PCDHGB4: variants seen among roughly 807,000 people sequenced by gnomAD.
PCDHGB4 encodes protocadherin gamma-B4.
PCDHGB4 carries 38 observed loss-of-function variants against 60.5 expected under a neutral mutation model. The ratio of observed to expected loss-of-function variants is 0.63; its 90% CI spans 0.48 to 0.82. The LOEUF (loss-of-function observed/expected upper bound fraction) is 0.82. Among genes scored for constraint, PCDHGB4 ranks in the 40% least tolerant of loss-of-function variants. The pLI, the probability that PCDHGB4 is intolerant of heterozygous loss-of-function variation, is 0.00. For missense variants in PCDHGB4, 1,109 were observed against 1,209.6 expected, an observed-to-expected ratio of 0.92 and a Z score of 1.23; for synonymous variants, 456 against 509.7, an observed-to-expected ratio of 0.89 and a Z score of 1.42.
intron 1 of PCDHGB4, among the ~76,000 whole-genome samples, chr5:141,402,461 C>A (rs892900332): frequency 1.3e-5 from 2 of 151,994 alleles, no homozygotes; most frequent in East Asian, 3.8e-4. Context: ...GTTTACATAT[C>A]TAGAAATAGA....
At chr5:141,505,563 T>C in intron 3 of PCDHGB4, 82 bp downstream of exon 3, 1 of 1,603,814 alleles carries the variant, frequency 6.2e-7, no homozygotes, top group Non-Finnish European at 8.5e-7. Flanking sequence ...GCCCACGGAC[T>C]GGATGTCAAA....
chr5:141,425,483 C>A (rs1172308088), intron 1 of PCDHGB4, among the ~76,000 whole-genome samples: 2 of 152,304 alleles, frequency 1.3e-5, no homozygotes, highest in Non-Finnish European at 2.9e-5. Flanking sequence ...CTATGGCAAC[C>A]TACTAGGCTA....
chr5:141,482,472 CTG>C (rs2099561247), intron 1 of PCDHGB4, among the ~76,000 whole-genome samples: 2 of 136,856 alleles, frequency 1.5e-5, no homozygotes, highest in Non-Finnish European at 3.0e-5. Context: ...GTGCCAGACA[CTG>C]TAAACAATTA....
At chr5:141,445,312 T>C (rs1419229431) in intron 1 of PCDHGB4, among the ~76,000 whole-genome samples, 2 of 152,194 alleles carry the variant, frequency 1.3e-5, no homozygotes, top group African/African-American at 4.8e-5. Context: ...AGTTTGTAGG[T>C]TGAGAGAACC....
chr5:141,458,624 C>G (rs1382508302), intron 1 of PCDHGB4, among the ~76,000 whole-genome samples: 1 of 152,082 alleles, frequency 6.6e-6, no homozygotes, highest in East Asian at 1.9e-4. Context: ...GGCTGGAGTG[C>G]AGTGGCACAA....
In PCDHGB4 at chr5:141,389,524, G is replaced by T; in HGVS notation, c.1640G>T (p.Arg547Leu). Residue 547 changes from arginine (R) to leucine (L), a missense_variant, in exon 1 of 4, where the codon CGC becomes CTC. This residue lies in a region of PCDHGB4 where 1,068 missense variants were observed against 1,089.9 expected (regional missense o/e 0.98). Transcript: ENST00000519479. ...GCGCTCAGCGCGAACGTGAGCCTGC[G>T]CGTGTTAGTGGACGACCGCAACGAC... is the stretch of plus-strand genomic sequence containing the variant. ...SPALSANVSL[R>L]VLVDDRNDNA... 1 of 1,613,146 alleles carries T rather than the reference G, an allele frequency of 6.2e-7. No homozygotes were observed. The highest frequency in any genetic ancestry group is 8.5e-7 in the Non-Finnish European group (1 of 1,179,746).
intron 1 of PCDHGB4, among the ~76,000 whole-genome samples, chr5:141,464,549 C>T (rs2099086404): frequency 6.6e-6 from 1 of 152,014 alleles, no homozygotes; most frequent in Non-Finnish European, 1.5e-5. Flanking sequence ...TAGCTATTCC[C>T]CATCTTGCAT....
intron 2 of PCDHGB4, among the ~76,000 whole-genome samples, chr5:141,500,194 T>G (rs994324188): frequency 2.1e-4 from 31 of 147,918 alleles, no homozygotes; most frequent in African/African-American, 7.7e-4. Context: ...TTTTATTTAT[T>G]TATTTATTTA....
intron 1 of PCDHGB4, chr5:141,421,800 G>T (rs995129799): frequency 1.2e-6 from 2 of 1,613,728 alleles, no homozygotes. Flanking sequence ...ATGGGGCCAA[G>T]AATCCAGAGC....
At chr5:141,482,768 CTGA>C (rs2099572195) in intron 1 of PCDHGB4, among the ~76,000 whole-genome samples, 1 of 126,868 alleles carries the variant, frequency 7.9e-6, no homozygotes, top group Admixed American at 7.7e-5. Flanking sequence ...TTCATTATCA[CTGA>C]ACCTTAAACT....
intron 1 of PCDHGB4, among the ~76,000 whole-genome samples, chr5:141,438,621 TATATATATATATATAC>T (rs1472935962): frequency 0.016 from 652 of 41,356 alleles, 15 homozygotes; most frequent in East Asian, 0.15. Flanking sequence ...TATATATATA[TATATATATATATATAC>T]ACACACACAC....
chr5:141,476,601 C>A lies in PCDHGB4; in HGVS notation c.2398-18206C>A. On this transcript the variant is annotated intron_variant, in intron 1 of 3. Coordinates refer to ENST00000519479, the MANE Select transcript of PCDHGB4 (RefSeq NM_003736.4). The surrounding 1 kb of genome is among the most constrained non-coding windows in gnomAD (Gnocchi z 7.6). ...TTTCCGCTCGAGAGCGCGCACGATC[C>A]CGATGTGGGAAGCAACTCTTTACAA... The A allele has an allele frequency of 6.2e-7, 1 of 1,614,228 alleles. No homozygotes were observed. The highest frequency in any genetic ancestry group is 2.2e-5 in the East Asian group (1 of 44,878).
At chr5:141,415,259 T>A (rs778452630) in intron 1 of PCDHGB4, 5 of 1,614,226 alleles carry the variant, frequency 3.1e-6, no homozygotes, top group Admixed American at 1.7e-5. Flanking sequence ...GACCTCACTC[T>A]GTACCTGGTG....
intron 1 of PCDHGB4, chr5:141,421,202 C>G (rs1345590720): frequency 6.6e-7 from 1 of 1,519,226 alleles, no homozygotes; most frequent in Non-Finnish European, 8.8e-7. Flanking sequence ...CTCGAGAAAC[C>G]GCGGAATATC....
At chr5:141,393,404 G>A (rs1159260916) in intron 1 of PCDHGB4, 1 of 1,614,024 alleles carries the variant, frequency 6.2e-7, no homozygotes, top group Non-Finnish European at 8.5e-7. Context: ...TGGTGCTGGA[G>A]CGCGCCCTGG....
chr5:141,511,351 C>T lies in PCDHGB4; in HGVS notation c.*178C>T. The T allele has an allele frequency of 3.6e-6, 5 of 1,386,550 alleles. No individual in the cohort carries two copies. Among genetic ancestry groups the T allele is most frequent in the South Asian group, 1.5e-5 (1 of 67,154 alleles). The allele number at this position is 1,386,550 out of a possible 1,614,324, so 85.9% of individuals were successfully genotyped here. On this transcript the variant is annotated 3_prime_UTR_variant, in exon 4 of 4. Transcript: ENST00000519479. ...CCAGTCAGCACCTACCCCTTCCCCC[C>T]CAGGGGGTTGAATATGCAAAAGCAG...
chr5:141,418,883 G>A (rs376245268), intron 1 of PCDHGB4: 5 of 1,613,960 alleles, frequency 3.1e-6, no homozygotes, highest in East Asian at 2.2e-5. Flanking sequence ...AGACGAAAAC[G>A]ACAACAGCCC....
At chr5:141,390,865 T>C (rs982852872) in intron 1 of PCDHGB4, 3 of 151,096 alleles carry the variant, frequency 2.0e-5, no homozygotes, top group Non-Finnish European at 2.9e-5. Context: ...ACGCTGTGTG[T>C]GCGTGTGTGT....
chr5:141,489,635 G>T lies in PCDHGB4; in HGVS notation c.2398-5172G>T, dbSNP rs1380466520. On this transcript the variant is annotated intron_variant, in intron 1 of 3. Coordinates refer to ENST00000519479, the MANE Select transcript of PCDHGB4 (RefSeq NM_003736.4). This position sits in a 1 kb window ranked among gnomAD's most constrained non-coding sequence, Gnocchi z 4.5. ...CTGGATCTCAATGACAACTCTCCTA[G>T]CTTTGCCACCCCTGAGCGAGAGATG... 1.2e-6 allele frequency: 2 copies of T among 1,614,024 alleles called. No homozygotes were observed. The highest frequency in any genetic ancestry group is 2.7e-5 in the African/African-American group (2 of 74,908).
Sources: allele counts gnomAD v4.1 joint callset (sites outside exome capture counted in the v4.1 genomes callset), GRCh38; gene constraint gnomAD v4.1.1; regional missense constraint gnomAD v4.1.1; non-coding constraint Gnocchi (gnomAD v3.1); transcripts MANE v1.5; gene names NCBI Gene and HGNC (gene_info 2026-07-23, HGNC 2026-07-21).